PMPCB: variants seen among roughly 807,000 people sequenced by gnomAD.
The protein encoded by PMPCB is peptidase, mitochondrial processing subunit beta, also known as mitochondrial-processing peptidase subunit beta.
A neutral mutation model predicts 61.5 loss-of-function variants in PMPCB; 46 were observed. That is an observed-to-expected ratio of 0.75 (90% CI 0.59 to 0.96). The LOEUF (loss-of-function observed/expected upper bound fraction) is 0.96, where lower values mean the gene tolerates loss of function less well. PMPCB is among the 40% of genes least tolerant of loss of function. PMPCB has a pLI of 0.00. For missense variants in PMPCB, 590 were observed against 602.4 expected, an observed-to-expected ratio of 0.98 and a Z score of 0.22; for synonymous variants, 191 against 201.6, an observed-to-expected ratio of 0.95 and a Z score of 0.44.
chr7:103,299,142 A>C (rs1817378248), intron 2 of PMPCB, among the ~76,000 whole-genome samples: 1 of 152,224 alleles, frequency 6.6e-6, no homozygotes, highest in African/African-American at 2.4e-5. Flanking sequence ...CCAGGATTTC[A>C]ACCGAAGTTT....
At position 103,312,756 on chromosome 7, in the gene PMPCB, T is replaced by C; in HGVS notation, c.*485T>C. Reference sequence around the variant, plus strand: ...CTAAGATAGATAGTACTAAATATACTGATTTCATTATCTGCCAGGGCCTAG... The same window carrying C: ...CTAAGATAGATAGTACTAAATATACCGATTTCATTATCTGCCAGGGCCTAG... On this transcript the variant is annotated 3_prime_UTR_variant, in exon 13 of 13. Transcript: ENST00000249269. 1.3e-6 allele frequency: 2 copies of C among 1,526,200 alleles called. No homozygotes were observed. Among genetic ancestry groups the C allele is most frequent in the Non-Finnish European group, 1.7e-6 (2 of 1,145,700 alleles). The allele number at this position is 1,526,200 out of a possible 1,614,324, so 94.5% of individuals were successfully genotyped here.
At chr7:103,315,163 C>T (rs962716105), downstream of PMPCB, among the ~76,000 whole-genome samples, 1 of 101,286 alleles carries the variant, frequency 9.9e-6, no homozygotes, top group Non-Finnish European at 2.5e-5. Context: ...AATATCAAAC[C>T]CTAACATTTT....
downstream of PMPCB, among the ~76,000 whole-genome samples, chr7:103,319,210 G>C (rs1012504591): frequency 3.9e-5 from 6 of 152,042 alleles, no homozygotes; most frequent in Non-Finnish European, 8.8e-5. Context: ...AAGCCTACAT[G>C]GGCAGATCAT....
chr7:103,332,452 C>CA (rs1190184384), downstream of PMPCB, among the ~76,000 whole-genome samples: 5 of 152,078 alleles, frequency 3.3e-5, no homozygotes, highest in East Asian at 9.6e-4. Flanking sequence ...TGAATTATTC[C>CA]AAAACAGTTT....
the PMPCB span, among the ~76,000 whole-genome samples, chr7:103,345,518 A>C: frequency 6.6e-6 from 1 of 152,000 alleles, no homozygotes. Context: ...TTGATATGCC[A>C]CTCTTTAGCA....
the PMPCB span, chr7:103,342,055 C>T: frequency 1.1e-6 from 1 of 872,596 alleles, no homozygotes; most frequent in Non-Finnish European, 1.6e-6. Context: ...AACAGTGATA[C>T]CAGCATATAC....
intron 7 of PMPCB, among the ~76,000 whole-genome samples, chr7:103,308,477 C>T (rs1817647687): frequency 6.6e-6 from 1 of 152,106 alleles, no homozygotes; most frequent in South Asian, 2.1e-4. Flanking sequence ...CAAAAATTAG[C>T]TGGGCGTGGT....
Position 103,298,622 on chromosome 7 carries a change from G to C in PMPCB, c.154G>C (p.Val52Leu). ...AAGTACACAGGCTGCTACCCAAGTT[G>C]TTCTGAATGTTCCTGAAACAAGAGT... Reference protein sequence around the residue: ...LRSTQAATQVVLNVPETRVTC... With the variant: ...LRSTQAATQVLLNVPETRVTC... The change falls in exon 2 of 13, where the codon GTT (valine) becomes CTT (leucine). Residue 52 changes from valine (V) to leucine (L), a missense_variant. Physicochemically the swap from Val to Leu is conservative, Grantham distance 32. Transcript: ENST00000249269. The C allele has an allele frequency of 6.2e-7, 1 of 1,613,940 alleles. No individual in the cohort carries two copies. Among genetic ancestry groups the C allele is most frequent in the Non-Finnish European group, 8.5e-7 (1 of 1,179,814 alleles).
Position 103,304,466 on chromosome 7 carries a change from A to G in PMPCB, c.712A>G (p.Arg238Gly), listed in dbSNP as rs765861199. Residue 238 changes from arginine to glycine, a missense_variant, in exon 6 of 13, where the codon AGA becomes GGA. Coordinates refer to ENST00000249269, the MANE Select transcript of PMPCB (RefSeq NM_004279.3). ...TATAACCACACATTATAAGGGGCCA[A>G]GAATAGTGCTTGCTGCTGCTGGAGG... ...DYITTHYKGP[R>G]IVLAAAGGVS... 1 of 1,606,674 alleles carries G rather than the reference A, an allele frequency of 6.2e-7. No individual in the cohort carries two copies. The highest frequency in any genetic ancestry group is 1.7e-4 in the Middle Eastern group (1 of 6,054).
chr7:103,308,121 G>C (rs549225953), intron 7 of PMPCB, among the ~76,000 whole-genome samples: 1 of 152,142 alleles, frequency 6.6e-6, no homozygotes, highest in African/African-American at 2.4e-5. Flanking sequence ...GTTTTGGGAG[G>C]GGGTAGTAAC....
At chr7:103,333,749 A>C (rs1437619651), downstream of PMPCB, among the ~76,000 whole-genome samples, 4 of 152,148 alleles carry the variant, frequency 2.6e-5, no homozygotes, top group Admixed American at 2.6e-4. Flanking sequence ...TGTAACTTAC[A>C]GTATGCCTAT....
chr7:103,324,544 AT>A, intron 12 of PMPCB: 105 of 1,484,894 alleles, frequency 7.1e-5, no homozygotes, highest in Admixed American at 1.9e-4. Flanking sequence ...GTTTAGGAAC[AT>A]TTTTTTTATT....
rs1029356092 is a variant in PMPCB at position 103,312,836 on chromosome 7, G to A, written c.*565G>A. 7 of 1,522,548 alleles carry A rather than the reference G, an allele frequency of 4.6e-6. No individual in the cohort carries two copies. In the East Asian group the frequency reaches 9.0e-5, roughly 20 times the overall value. The allele number at this position is 1,522,548 out of a possible 1,614,324, so 94.3% of individuals were successfully genotyped here. ...CATAATATTGACCCCATAACTACTG[G>A]TTTTGAAATAAGCACTATATTATTA... On this transcript the variant is annotated 3_prime_UTR_variant, in exon 13 of 13. Transcript: ENST00000249269.
At chr7:103,337,713 T>A in the PMPCB span, 2 of 1,585,404 alleles carry the variant, frequency 1.3e-6, no homozygotes, top group Non-Finnish European at 1.7e-6. Flanking sequence ...TATTTGATTA[T>A]TTCAAAATAA....
intron 6 of PMPCB, among the ~76,000 whole-genome samples, chr7:103,305,491 T>C (rs1442183453): frequency 6.6e-6 from 1 of 152,162 alleles, no homozygotes; most frequent in Non-Finnish European, 1.5e-5. Context: ...TCTCCTGAGC[T>C]CAAGTTATCC....
chr7:103,346,853 T>TGA, the PMPCB span, among the ~76,000 whole-genome samples: 1 of 138,988 alleles, frequency 7.2e-6, no homozygotes, highest in Non-Finnish European at 1.6e-5. Flanking sequence ...TGTGTGTGTG[T>TGA]GAGCGCGCAT....
At position 103,313,198 on chromosome 7, in the gene PMPCB, T is replaced by C; in HGVS notation, c.*927T>C. On this transcript the variant is annotated 3_prime_UTR_variant, in exon 13 of 13. Coordinates refer to ENST00000249269, the MANE Select transcript of PMPCB (RefSeq NM_004279.3). ...TATTCGCTAAGTGCCCATTTCAATC[T>C]GGGATGTGTCATTTTGAAAATAAAC... 2 of 1,470,284 alleles carry C rather than the reference T, an allele frequency of 1.4e-6. No individual in the cohort carries two copies. The highest frequency in any genetic ancestry group is 1.8e-6 in the Non-Finnish European group (2 of 1,116,886). The allele number at this position is 1,470,284 out of a possible 1,614,324, so 91.1% of individuals were successfully genotyped here. A position where few individuals can be genotyped will look rare whatever the true frequency, so the allele number is the denominator to read the frequency against.
intron 12 of PMPCB, among the ~76,000 whole-genome samples, chr7:103,321,146 C>T (rs12705114): frequency 0.58 from 87,486 of 151,430 alleles, 27,394 homozygotes; most frequent in Middle Eastern, 0.78. Context: ...TGCAGTGAGC[C>T]GAGATGGCGC....
At chr7:103,342,066 T>A in the PMPCB span, 3 of 750,064 alleles carry the variant, frequency 4.0e-6, 1 homozygote, top group Non-Finnish European at 2.0e-6. Context: ...CAGCATATAC[T>A]TTTAAAACCA....
Sources: gnomAD v4.1 joint callset for allele counts (sites outside exome capture counted in the v4.1 genomes callset) on GRCh38, gnomAD v4.1.1 for gene constraint, MANE v1.5 for transcripts, NCBI Gene and HGNC (gene_info 2026-07-23, HGNC 2026-07-21) for gene names.